RAB3IL1: variants seen among roughly 807,000 people sequenced by gnomAD.
The protein encoded by RAB3IL1 is RAB3A interacting protein like 1.
RAB3IL1 carries 37 observed loss-of-function variants against 49.2 expected under a neutral mutation model. The observed-to-expected ratio is 0.75, with a 90% CI of 0.58 to 0.99. RAB3IL1 has a LOEUF of 0.99. Among genes scored for constraint, RAB3IL1 ranks in the 50% least tolerant of loss-of-function variants. RAB3IL1 has a pLI of 0.00. For missense variants in RAB3IL1, 484 were observed against 513.0 expected, an observed-to-expected ratio of 0.94 and a Z score of 0.55; for synonymous variants, 193 against 213.9, an observed-to-expected ratio of 0.90 and a Z score of 0.85.
At chr11:61,902,563 C>CACGGGGGCTG (rs1366174005) in intron 7 of RAB3IL1, 22 bp from the exon 8 acceptor site, 1 of 1,578,950 alleles carries the variant, frequency 6.3e-7, no homozygotes, top group African/African-American at 1.3e-5. Flanking sequence ...CAAAATGGGT[C>CACGGGGGCTG]ACGGGGGCTG....
chr11:61,924,660 C>T (rs528693455), upstream of RAB3IL1, among the ~76,000 whole-genome samples: 3 of 152,170 alleles, frequency 2.0e-5, no homozygotes, highest in Non-Finnish European at 4.4e-5. Flanking sequence ...TATCTTTGTT[C>T]CACTTGACTT....
At chr11:61,927,436 C>T in the RAB3IL1 span, among the ~76,000 whole-genome samples, 5 of 152,156 alleles carry the variant, frequency 3.3e-5, no homozygotes, top group African/African-American at 4.8e-5. Flanking sequence ...AGTGCAAAGT[C>T]GTCTGGGAGC....
At chr11:61,938,262 A>G in the RAB3IL1 span, among the ~76,000 whole-genome samples, 8 of 152,110 alleles carry the variant, frequency 5.3e-5, no homozygotes, top group African/African-American at 1.4e-4. Context: ...AAAACCTGGT[A>G]TGGTGGCACA....
upstream of RAB3IL1, chr11:61,917,633 G>A: frequency 2.1e-6 from 2 of 956,872 alleles, no homozygotes; most frequent in Non-Finnish European, 2.5e-6. Flanking sequence ...CCGGCGCTGG[G>A]ATCCGGCGCG....
upstream of RAB3IL1, among the ~76,000 whole-genome samples, chr11:61,924,718 G>T (rs546810828): frequency 7.5e-4 from 114 of 152,296 alleles, 1 homozygote; most frequent in South Asian, 0.023. Context: ...AAGTGCTGGT[G>T]AACCCCTTTG....
At chr11:61,899,292 C>G (rs775732734) in intron 9 of RAB3IL1, 22 bp downstream of exon 9, 11 of 1,599,718 alleles carry the variant, frequency 6.9e-6, no homozygotes, top group Admixed American at 1.7e-5. Context: ...GATCCCTGCA[C>G]CGGCCACCAG....
At chr11:61,920,277 C>G, upstream of RAB3IL1, 1 of 1,233,698 alleles carries the variant, frequency 8.1e-7, no homozygotes, top group Non-Finnish European at 1.0e-6. Flanking sequence ...CAGGCTGAGC[C>G]TCACACTAAC....
At chr11:61,931,178 C>T in the RAB3IL1 span, among the ~76,000 whole-genome samples, 3 of 152,152 alleles carry the variant, frequency 2.0e-5, no homozygotes. Flanking sequence ...GGCCAACTGC[C>T]CCTTTCTTAG....
rs1352544388 is a variant in RAB3IL1 at position 61,898,968 on chromosome 11, C to T, written c.1066+346G>A. On this transcript the variant is annotated intron_variant, in intron 9 of 9. Transcript: ENST00000394836. This position sits in a 1 kb window ranked among gnomAD's most constrained non-coding sequence, Gnocchi z 5.1. ...GGGGGTGGAGGGAGGCCCTGTCCAG[C>T]ATGGAGTGGAGTGGGAGCAAAGGCT... The T allele has an allele frequency of 9.8e-6, 5 of 508,622 alleles. No individual in the cohort carries two copies. Among genetic ancestry groups the T allele is most frequent in the Non-Finnish European group, 1.9e-5 (5 of 263,136 alleles). 31.5% of individuals were successfully genotyped at this position (508,622 alleles called of 1,614,324 possible).
upstream of RAB3IL1, among the ~76,000 whole-genome samples, chr11:61,920,542 C>G (rs751220428): frequency 6.6e-6 from 1 of 152,222 alleles, no homozygotes; most frequent in African/African-American, 2.4e-5. Context: ...GCCCGTCCAG[C>G]CTTGATCCTG....
intron 4 of RAB3IL1, 141 bp downstream of exon 4, chr11:61,907,252 C>T: frequency 1.2e-6 from 1 of 834,216 alleles, no homozygotes; most frequent in Non-Finnish European, 1.9e-6. Context: ...TCCCTTCCCT[C>T]CCTGGGCCTA....
rs372173834 is a variant in RAB3IL1, at chr11:61,898,119, G to A, written c.*159C>T. 3.4e-5 allele frequency: 23 copies of A among 683,994 alleles called. No homozygotes were observed. The highest frequency in any genetic ancestry group is 5.3e-5 in the African/African-American group (3 of 56,086). The allele number at this position is 683,994 out of a possible 1,614,324, so 42.4% of individuals were successfully genotyped here. A position where few individuals can be genotyped will look rare whatever the true frequency, so the allele number is the denominator to read the frequency against. Reference sequence around the variant, plus strand: ...CAGGCCCGTCTGTCCCAGGATGGACGTGTGGTGCTGGCTCAGTGCTGCCTC... The same window carrying A: ...CAGGCCCGTCTGTCCCAGGATGGACATGTGGTGCTGGCTCAGTGCTGCCTC... On this transcript the variant is annotated 3_prime_UTR_variant, in exon 10 of 10. Transcript: ENST00000394836. This position sits in a 1 kb window ranked among gnomAD's most constrained non-coding sequence, Gnocchi z 5.1.
chr11:61,938,802 T>C, the RAB3IL1 span, among the ~76,000 whole-genome samples: 14 of 152,234 alleles, frequency 9.2e-5, no homozygotes, highest in African/African-American at 2.9e-4. Context: ...AGTGTGTGCC[T>C]GTAATCCCAG....
the RAB3IL1 span, among the ~76,000 whole-genome samples, chr11:61,940,817 G>A: frequency 1.3e-5 from 2 of 152,078 alleles, no homozygotes; most frequent in South Asian, 2.1e-4. Context: ...CTACTCAGGA[G>A]GCTGAGGTGG....
In RAB3IL1 at chr11:61,917,247, G is replaced by A. The variant is rs1262800766; in HGVS notation, c.11+110C>T. 10 of 1,295,024 alleles carry A rather than the reference G, an allele frequency of 7.7e-6. No individual in the cohort carries two copies. The East Asian group carries it at 1.9e-4, about 25-fold the overall frequency. 80.2% of individuals were successfully genotyped at this position (1,295,024 alleles called of 1,614,324 possible). On this transcript the variant is annotated intron_variant, in intron 1 of 9. Transcript: ENST00000394836. The stretch of plus-strand genomic sequence containing the variant: ...CCTGCAGGCAGGGCGGGGGCGCACA[G>A]CACCTCCGGGTGGCGGCGCAGACCC...
At chr11:61,914,687 G>A (rs914305079) in intron 1 of RAB3IL1, among the ~76,000 whole-genome samples, 7 of 145,790 alleles carry the variant, frequency 4.8e-5, no homozygotes, top group Non-Finnish European at 7.6e-5. Flanking sequence ...AGCCACTGCC[G>A]CCCACCCCAG....
the RAB3IL1 span, among the ~76,000 whole-genome samples, chr11:61,928,520 A>C: frequency 4.9e-5 from 3 of 60,954 alleles, no homozygotes; most frequent in Non-Finnish European, 1.5e-4. Context: ...TAGGACCCTC[A>C]AAATACATGG....
At chr11:61,908,728 C>G in intron 1 of RAB3IL1, among the ~76,000 whole-genome samples, 1 of 152,210 alleles carries the variant, frequency 6.6e-6, no homozygotes, top group East Asian at 1.9e-4. Context: ...ACCTTGACAC[C>G]TCGGATGCAC....
At position 61,908,084 on chromosome 11, in the gene RAB3IL1, G is replaced by C; in HGVS notation, c.234C>G (p.Phe78Leu). 6.2e-7 allele frequency: 1 copy of C among 1,611,270 alleles called. No homozygotes were observed. Among genetic ancestry groups the C allele is most frequent in the Non-Finnish European group, 8.5e-7 (1 of 1,179,354 alleles). Residue 78 changes from phenylalanine (F) to leucine (L), a missense_variant, in exon 2 of 10, where the codon TTC becomes TTG. Physicochemically the swap from Phe to Leu is conservative, Grantham distance 22. Transcript: ENST00000394836. The part of the protein sequence containing the change: ...SMEIREKGSE[F>L]LKEELHRAQK... ...GCGCTCTGTGCAGCTCCTCCTTCAGGAACTCGGAGCCCTTCTCTCGGATCT... is the reference window on the plus strand; with the variant it reads ...GCGCTCTGTGCAGCTCCTCCTTCAGCAACTCGGAGCCCTTCTCTCGGATCT...
Sources: gnomAD v4.1 joint callset for allele counts (sites outside exome capture counted in the v4.1 genomes callset) on GRCh38, gnomAD v4.1.1 for gene constraint, Gnocchi (gnomAD v3.1) non-coding constraint, MANE v1.5 for transcripts, NCBI Gene and HGNC (gene_info 2026-07-23, HGNC 2026-07-21) for gene names.